The following NDST1 variants were observed in gnomAD, a reference collection of about 807,000 sequenced individuals.
The protein encoded by NDST1 is bifunctional heparan sulfate N-deacetylase/N-sulfotransferase 1.
NDST1 carries 35 observed loss-of-function variants against 92.8 expected under a neutral mutation model. The observed-to-expected ratio is 0.38, with a 90% CI of 0.29 to 0.50. The LOEUF is 0.50. NDST1 is among the 20% of genes least tolerant of loss of function. The pLI is 0.94. For synonymous variants in NDST1, 493 were observed against 500.3 expected, an observed-to-expected ratio of 0.99 and a Z score of 0.19; for missense variants, 822 against 1,182.7, an observed-to-expected ratio of 0.69 and a Z score of 4.47.
chr5:150,541,816 G>T lies in NDST1; in HGVS notation c.1846+150G>T. 4.0e-6 allele frequency: 3 copies of T among 758,462 alleles called. No individual in the cohort carries two copies. The South Asian group carries it at 4.5e-5, about 11-fold the overall frequency. The allele number at this position is 758,462 out of a possible 1,614,324, so 47.0% of individuals were successfully genotyped here. A position where few individuals can be genotyped will look rare whatever the true frequency, so the allele number is the denominator to read the frequency against. On this transcript the variant is annotated intron_variant, in intron 9 of 14. Coordinates refer to ENST00000261797, the MANE Select transcript of NDST1 (RefSeq NM_001543.5). ...AATGAAGTTGGGGTGAACACAAATT[G>T]CCTGTCAGTATGGAGGGGAAAGAGG...
rs1010088582 is a variant in NDST1 at position 150,521,329 on chromosome 5, C to T, written c.75C>T (p.Ile25=). The change falls in exon 2 of 15, where the codon ATC becomes ATT. Residue 25 remains isoleucine (I), a synonymous_variant. Transcript: ENST00000261797. The surrounding 1 kb of genome is among the most constrained non-coding windows in gnomAD (Gnocchi z 5.9). ...SPQAVLFLLF[I]FCLFSVFISA... is the part of the protein sequence containing the mutation. ...AGGCTGTCCTTTTCCTGCTGTTCAT[C>T]TTCTGCCTGTTCAGCGTTTTCATCT... 1 of 1,613,478 alleles carries T rather than the reference C, an allele frequency of 6.2e-7. No homozygotes were observed. Among genetic ancestry groups the T allele is most frequent in the Non-Finnish European group, 8.5e-7 (1 of 1,179,926 alleles).
At chr5:150,544,951 G>C (rs59050394) in intron 10 of NDST1, among the ~76,000 whole-genome samples, 5,290 of 152,282 alleles carry the variant, frequency 0.035, 322 homozygotes, top group African/African-American at 0.12. Context: ...CCTAGAGGCA[G>C]AGAGAGTGAC....
At chr5:150,539,654 ACAC>A (rs1755155646) in intron 7 of NDST1, 1 of 985,238 alleles carries the variant, frequency 1.0e-6, no homozygotes, top group African/African-American at 1.7e-5. Flanking sequence ...ACACAGATAC[ACAC>A]ACATATATGA....
At chr5:150,523,788 G>T (rs28593090) in intron 2 of NDST1, among the ~76,000 whole-genome samples, 2,635 of 152,304 alleles carry the variant, frequency 0.017, 73 homozygotes, top group African/African-American at 0.059. Flanking sequence ...AAGGTAAACA[G>T]GAGGCCTAGG....
chr5:150,504,357 G>T (rs1456594682), upstream of NDST1, among the ~76,000 whole-genome samples: 1 of 152,164 alleles, frequency 6.6e-6, no homozygotes, highest in African/African-American at 2.4e-5. Flanking sequence ...CTTGACCAAG[G>T]TCTCACAAGG....
At chr5:150,536,987 G>A (rs1755021904) in intron 6 of NDST1, among the ~76,000 whole-genome samples, 2 of 152,254 alleles carry the variant, frequency 1.3e-5, no homozygotes, top group Non-Finnish European at 1.5e-5. Flanking sequence ...ATGCATGTGT[G>A]TTGTGGGAAG....
In NDST1 at chr5:150,521,682, A is replaced by G; in HGVS notation, c.428A>G (p.Lys143Arg). The G allele has an allele frequency of 6.2e-7, 1 of 1,614,068 alleles. No homozygotes were observed. The highest frequency in any genetic ancestry group is 8.5e-7 in the Non-Finnish European group (1 of 1,180,036). The part of the protein sequence containing the change: ...FALIIYENIL[K>R]YVNLDAWNRE... Reference sequence around the variant, plus strand: ...CTCATCATCTATGAGAACATCCTCAAGTATGTCAACCTGGACGCCTGGAAC... The same window carrying G: ...CTCATCATCTATGAGAACATCCTCAGGTATGTCAACCTGGACGCCTGGAAC... The change falls in exon 2 of 15, where the codon AAG (lysine) becomes AGG (arginine). Residue 143 changes from lysine to arginine, a missense_variant. Physicochemically the swap from Lys to Arg is conservative, Grantham distance 26 (BLOSUM62 2). Transcript: ENST00000261797. The surrounding 1 kb of genome is among the most constrained non-coding windows in gnomAD (Gnocchi z 5.9).
chr5:150,551,825 G>C lies in NDST1; in HGVS notation c.2499G>C (p.Lys833Asn). ...GGKTKCLGKS[K>N]GRKYPEMDLD... ...AAACCAAGTGTCTGGGCAAAAGCAA[G>C]GGCCGGAAATATCCCGAGATGGACT... The change falls in exon 14 of 15, where the codon AAG becomes AAC. Residue 833 changes from lysine (K) to asparagine (N), a missense_variant. Physicochemically the swap from Lys to Asn is moderately conservative, Grantham distance 94 (BLOSUM62 0). Coordinates refer to ENST00000261797, the MANE Select transcript of NDST1 (RefSeq NM_001543.5). The C allele has an allele frequency of 6.2e-7, 1 of 1,613,612 alleles. No individual in the cohort carries two copies. The highest frequency in any genetic ancestry group is 1.1e-5 in the South Asian group (1 of 91,078).
intron 14 of NDST1, 184 bp downstream of exon 14, chr5:150,552,039 TCAAA>T: frequency 1.7e-6 from 1 of 580,530 alleles, no homozygotes; most frequent in Non-Finnish European, 2.2e-6. Context: ...CCTGATTTCG[TCAAA>T]CAAGTGTTGG....
chr5:150,544,882 C>T (rs574018931), intron 10 of NDST1, among the ~76,000 whole-genome samples: 1 of 152,336 alleles, frequency 6.6e-6, no homozygotes, highest in East Asian at 1.9e-4. Context: ...GAGGCCCCCT[C>T]TGCTCTGTGC....
intron 1 of NDST1, among the ~76,000 whole-genome samples, chr5:150,509,826 T>C (rs1269333671): frequency 6.6e-6 from 1 of 152,094 alleles, no homozygotes; most frequent in Non-Finnish European, 1.5e-5. Flanking sequence ...CCCTTTCTTA[T>C]ATTGGGGTGT....
chr5:150,535,425 C>T (rs1754939381), intron 5 of NDST1: 4 of 978,750 alleles, frequency 4.1e-6, no homozygotes, highest in Non-Finnish European at 3.6e-6. Context: ...TCCCTCACTA[C>T]AGGGTACTTG....
chr5:150,513,048 T>G (rs1181269649), intron 1 of NDST1, among the ~76,000 whole-genome samples: 2 of 151,942 alleles, frequency 1.3e-5, no homozygotes, highest in Non-Finnish European at 2.9e-5. Flanking sequence ...ATTAAAAAAT[T>G]AGCTGGGCAT....
At chr5:150,516,420 G>A (rs1446451929) in intron 1 of NDST1, among the ~76,000 whole-genome samples, 1 of 152,234 alleles carries the variant, frequency 6.6e-6, no homozygotes, top group Non-Finnish European at 1.5e-5. Flanking sequence ...AGCATCTTAT[G>A]TATCAACTCA....
chr5:150,552,095 T>C (rs562283336), intron 14 of NDST1, among the ~76,000 whole-genome samples: 59 of 152,310 alleles, frequency 3.9e-4, no homozygotes, highest in Non-Finnish European at 6.9e-4. Flanking sequence ...GTTTTGAGGA[T>C]GAGCCAGACA....
At chr5:150,547,003 C>T (rs538844306) in intron 11 of NDST1, among the ~76,000 whole-genome samples, 2 of 152,328 alleles carry the variant, frequency 1.3e-5, no homozygotes, top group Non-Finnish European at 2.9e-5. Flanking sequence ...AGAGAGAGAG[C>T]CGCCACAGGT....
At chr5:150,549,895 GAA>G in intron 13 of NDST1, 108 bp downstream of exon 13, 1 of 728,920 alleles carries the variant, frequency 1.4e-6, no homozygotes, top group Admixed American at 2.0e-5. Flanking sequence ...GTTAGAGTCA[GAA>G]AGTATGGAAA....
rs1755884883 is a variant in NDST1 at position 150,557,051 on chromosome 5, GATAAT to G, written c.*3720_*3724del. 6.6e-6 allele frequency: 1 copy of G among 152,600 alleles called. No individual in the cohort carries two copies. Among genetic ancestry groups the G allele is most frequent in the Non-Finnish European group, 1.5e-5 (1 of 68,034 alleles). 9.5% of individuals were successfully genotyped at this position (152,600 alleles called of 1,614,324 possible). A position where few individuals can be genotyped will look rare whatever the true frequency, so the allele number is the denominator to read the frequency against. On this transcript the variant is annotated 3_prime_UTR_variant, in exon 15 of 15. Coordinates refer to ENST00000261797, the MANE Select transcript of NDST1 (RefSeq NM_001543.5). This position sits in a 1 kb window ranked among gnomAD's most constrained non-coding sequence, Gnocchi z 4.7. ...TTCTTCTATCCCCTGTACTTTCAAG[GATAAT>G]TTAGGCTACATGAGATTTTGCCTTT... is the stretch of plus-strand genomic sequence containing the variant.
intron 1 of NDST1, among the ~76,000 whole-genome samples, chr5:150,513,302 G>GAAACCC (rs1753808590): frequency 6.6e-6 from 1 of 151,466 alleles, no homozygotes; most frequent in East Asian, 1.9e-4. Flanking sequence ...ACCAGCCTGG[G>GAAACCC]CAACATGGCG....
Sources: allele counts gnomAD v4.1 joint callset (sites outside exome capture counted in the v4.1 genomes callset), GRCh38; gene constraint gnomAD v4.1.1; non-coding constraint Gnocchi (gnomAD v3.1); transcripts MANE v1.5; gene names NCBI Gene and HGNC (gene_info 2026-07-23, HGNC 2026-07-21).